Variants in ASTE1 observed in about 807,000 individuals in gnomAD.
The protein encoded by ASTE1 is single-strand DNA endonuclease ASTE1.
ASTE1 carries 49 observed loss-of-function variants against 45.8 expected under a neutral mutation model. That is an observed-to-expected ratio of 1.07 (90% CI 0.85 to 1.36). ASTE1 has a LOEUF of 1.36. ASTE1 is among the 40% of genes most tolerant of loss of function. The pLI is 0.00. For missense variants in ASTE1, 709 were observed against 804.0 expected (o/e 0.88, Z 1.43); for synonymous variants, 296 against 303.9 (o/e 0.97, Z 0.27).
At position 131,018,659 on chromosome 3, in the gene ASTE1, T is replaced by G. The variant is rs954607750; in HGVS notation, c.1360A>C (p.Ile454Leu). The G allele has an allele frequency of 8.1e-6, 13 of 1,614,104 alleles. No individual in the cohort carries two copies. The highest frequency in any genetic ancestry group is 1.3e-5 in the African/African-American group (1 of 75,000). ...AGTGAAGTAGGGATTGGCTCCAGAA[T>G]GGTCTGTTTCACCTTCAGGGTTTCT... ...LLETLKVKQT[I>L]LEPIPTSLKL... is the part of the protein sequence containing the mutation. Residue 454 changes from isoleucine to leucine, a missense_variant, in exon 4 of 6, where the codon ATT becomes CTT. Ile to Leu is a conservative substitution (Grantham distance 5). Coordinates refer to ENST00000264992, the MANE Select transcript of ASTE1 (RefSeq NM_014065.4).
intron 3 of ASTE1, among the ~76,000 whole-genome samples, chr3:131,023,702 A>G (rs1180014726): frequency 6.6e-6 from 1 of 151,990 alleles, no homozygotes; most frequent in Admixed American, 6.6e-5. Context: ...ATTGATAGCT[A>G]GTATTAACCT....
chr3:131,025,231 T>C lies in ASTE1; in HGVS notation c.76A>G (p.Thr26Ala). 6.2e-7 allele frequency: 1 copy of C among 1,614,228 alleles called. No individual in the cohort carries two copies. The change falls in exon 3 of 6, where the codon ACA (threonine) becomes GCA (alanine). Residue 26 changes from threonine (T) to alanine (A), a missense_variant. Transcript: ENST00000264992. ...EFFTDLKLRD[T>A]KIVIDGYALF... The stretch of plus-strand genomic sequence containing the variant: ...GCATAACCATCAATGACAATTTTTG[T>C]GTCCCGCAACTTCAAATCAGTGAAG...
rs2063633939 is a variant in ASTE1 at position 131,016,357 on chromosome 3, C to T, written c.1514-18G>A. ...TTCCTTACCTAAATAAAGAAACAGC[C>T]CAAGGGCAGTATTTCTAAAAGCACT... On this transcript the variant is annotated intron_variant, in intron 4 of 5. Transcript: ENST00000264992. 6.2e-7 allele frequency: 1 copy of T among 1,613,912 alleles called. No individual in the cohort carries two copies. Among genetic ancestry groups the T allele is most frequent in the Non-Finnish European group, 8.5e-7 (1 of 1,179,882 alleles).
rs2063702696 is a variant in ASTE1 at position 131,018,684 on chromosome 3, TAAC to T, written c.1332_1334del (p.Leu445del). The stretch of plus-strand genomic sequence containing the variant: ...TGGTCTGTTTCACCTTCAGGGTTTC[TAAC>T]AGAAGCATCTGCCGCCTCCTCAAGG... On this transcript the variant is annotated inframe_deletion, in exon 4 of 6. Coordinates refer to ENST00000264992, the MANE Select transcript of ASTE1 (RefSeq NM_014065.4). 2.5e-6 allele frequency: 4 copies of T among 1,614,168 alleles called. No homozygotes were observed. Among genetic ancestry groups the T allele is most frequent in the Non-Finnish European group, 3.4e-6 (4 of 1,180,026 alleles).
chr3:131,021,848 A>AT (rs544562439), intron 3 of ASTE1, among the ~76,000 whole-genome samples: 104 of 152,274 alleles, frequency 6.8e-4, no homozygotes, highest in African/African-American at 1.1e-3. Context: ...AAGCCATTAC[A>AT]TTTTTTTTAA....
At chr3:131,017,169 C>T in intron 4 of ASTE1, 1 of 611,818 alleles carries the variant, frequency 1.6e-6, no homozygotes, top group Admixed American at 3.6e-5. Flanking sequence ...AGAGGAAATA[C>T]TCTAAACCTG....
intron 5 of ASTE1, 85 bp from the exon 6 acceptor site, chr3:131,014,472 G>C: frequency 1.6e-6 from 2 of 1,286,558 alleles, no homozygotes; most frequent in Non-Finnish European, 2.1e-6. Flanking sequence ...TTCAACAAAT[G>C]CATCTAAACA....
chr3:131,016,917 T>C, intron 4 of ASTE1: 2 of 1,062,672 alleles, frequency 1.9e-6, no homozygotes, highest in Admixed American at 2.7e-5. Flanking sequence ...TGTAAGTTTC[T>C]ACAGATTTGT....
rs2063624222 is a variant in ASTE1 at position 131,016,158 on chromosome 3, C to T, written c.1695G>A (p.Glu565=). The T allele has an allele frequency of 6.2e-7, 1 of 1,613,724 alleles. No homozygotes were observed. Among genetic ancestry groups the T allele is most frequent in the African/African-American group, 1.3e-5 (1 of 74,802 alleles). The change falls in exon 5 of 6, where the codon GAG becomes GAA. Residue 565 remains glutamate (E), a synonymous_variant. Coordinates refer to ENST00000264992, the MANE Select transcript of ASTE1 (RefSeq NM_014065.4). ...ATGGTGCTTACCGAGTTAGGTCTGG[C>T]TCTGGGAGAGGAGTGGACAGCAGCT... ...LNQLLSTPLP[E]PDLTRLYSGS... is the part of the protein sequence containing the mutation.
chr3:131,016,580 G>A (rs1000776319), intron 4 of ASTE1: 2 of 533,092 alleles, frequency 3.8e-6, no homozygotes, highest in Non-Finnish European at 6.6e-6. Context: ...CCTGAAATAA[G>A]ATCTTTTCCA....
At chr3:131,016,017 A>G (rs1233835635) in intron 5 of ASTE1, 127 bp downstream of exon 5, 6 of 1,205,598 alleles carry the variant, frequency 5.0e-6, no homozygotes, top group Admixed American at 2.0e-5. Context: ...AATCAATTAC[A>G]TTAAGATTAG....
At chr3:131,015,187 A>G (rs939915710) in intron 5 of ASTE1, 4 of 701,836 alleles carry the variant, frequency 5.7e-6, no homozygotes, top group Non-Finnish European at 1.0e-5. Context: ...TTTACCTTGA[A>G]ACATGTAAAG....
intron 1 of ASTE1, among the ~76,000 whole-genome samples, chr3:131,025,910 A>C (rs1318189839): frequency 6.6e-6 from 1 of 152,182 alleles, no homozygotes; most frequent in Non-Finnish European, 1.5e-5. Flanking sequence ...TTTTGGTATA[A>C]GGAAAACTGC....
chr3:131,020,340 T>G (rs1170882126), intron 3 of ASTE1, among the ~76,000 whole-genome samples: 1 of 152,216 alleles, frequency 6.6e-6, no homozygotes, highest in Non-Finnish European at 1.5e-5. Flanking sequence ...CTACTTTCCC[T>G]CTTCCCCAGG....
rs2063780729 is a variant in ASTE1, at chr3:131,024,399, T to C, written c.908A>G (p.Gln303Arg). 6.2e-7 allele frequency: 1 copy of C among 1,614,254 alleles called. No homozygotes were observed. Among genetic ancestry groups the C allele is most frequent in the Non-Finnish European group, 8.5e-7 (1 of 1,180,046 alleles). The stretch of plus-strand genomic sequence containing the variant: ...CTGGAAGAAGTCCTGTAGCTTCACC[T>C]GGGACTGTTGGTATTCTTCCATGGA... Reference protein sequence around the residue: ...CCSMEEYQQSQVKLQDFFQCG... With the variant: ...CCSMEEYQQSRVKLQDFFQCG... Residue 303 changes from glutamine to arginine, a missense_variant, in exon 3 of 6, where the codon CAG becomes CGG. Gln to Arg is a conservative substitution (Grantham distance 43). Transcript: ENST00000264992.
chr3:131,018,203 T>C (rs1208418676), intron 4 of ASTE1, among the ~76,000 whole-genome samples: 1 of 152,094 alleles, frequency 6.6e-6, no homozygotes, highest in Non-Finnish European at 1.5e-5. Flanking sequence ...GCTGGCAAAA[T>C]ACACTGTCAC....
intron 4 of ASTE1, 136 bp downstream of exon 4, chr3:131,018,370 G>A: frequency 1.2e-6 from 1 of 807,198 alleles, no homozygotes; most frequent in Non-Finnish European, 2.0e-6. Flanking sequence ...ATGATATTTT[G>A]GTGCCTCCAC....
rs1399329537 is a variant in ASTE1, at chr3:131,024,178, A to G, written c.1129T>C (p.Tyr377His). 1.2e-6 allele frequency: 2 copies of G among 1,614,056 alleles called. No homozygotes were observed. Among genetic ancestry groups the G allele is most frequent in the East Asian group, 2.2e-5 (1 of 44,886 alleles). ...GGTGAGGCATTTAAAAGAAGCCCAT[A>G]GATGATTTGCCTGATGGGCTGAGAT... ...RISQPIRQIIYGLLLNASPHL... is the reference protein window; with the variant it reads ...RISQPIRQIIHGLLLNASPHL... The change falls in exon 3 of 6, where the codon TAT becomes CAT. Residue 377 changes from tyrosine to histidine, a missense_variant. Tyr to His is a moderately conservative substitution (Grantham distance 83, BLOSUM62 2). Transcript: ENST00000264992.
Position 131,026,682 on chromosome 3 carries a change from G to C in ASTE1, c.-322C>G, listed in dbSNP as rs895037910. 1 of 152,434 alleles carries C rather than the reference G, an allele frequency of 6.6e-6. No individual in the cohort carries two copies. The highest frequency in any genetic ancestry group is 1.5e-5 in the Non-Finnish European group (1 of 68,194). 9.4% of individuals were successfully genotyped at this position (152,434 alleles called of 1,614,324 possible). A position where few individuals can be genotyped will look rare whatever the true frequency, so the allele number is the denominator to read the frequency against. On this transcript the variant is annotated 5_prime_UTR_variant, in exon 1 of 6. Transcript: ENST00000264992. ...GGCGCCAGACTGAGCCAAGGAGCAG[G>C]TGTTCTCGGGCCCAGAGGCGCTAAG... is the stretch of plus-strand genomic sequence containing the variant.
Sources: allele counts gnomAD v4.1 joint callset (sites outside exome capture counted in the v4.1 genomes callset), GRCh38; gene constraint gnomAD v4.1.1; transcripts MANE v1.5; gene names NCBI Gene and HGNC (gene_info 2026-07-23, HGNC 2026-07-21).